Variants in ZNF462 observed in about 807,000 individuals in gnomAD.
ZNF462 encodes zinc finger protein 462.
In ZNF462, 10 loss-of-function variants were observed where a neutral mutation model predicts 201.9. The observed-to-expected ratio is 0.05, with a 90% CI of 0.03 to 0.08. The LOEUF (loss-of-function observed/expected upper bound fraction) is 0.08, where lower values mean the gene tolerates loss of function less well. Among genes scored for constraint, ZNF462 ranks in the 10% least tolerant of loss-of-function variants. The pLI is 1.00. For synonymous variants in ZNF462, 1,227 were observed against 1,193.3 expected (o/e 1.03, Z -0.58); for missense variants, 2,523 against 3,168.3 (o/e 0.80, Z 4.89).
At chr9:106,991,875 C>A (rs1490243762) in intron 10 of ZNF462, among the ~76,000 whole-genome samples, 2 of 148,962 alleles carry the variant, frequency 1.3e-5, no homozygotes, top group South Asian at 4.2e-4. Flanking sequence ...CACACACACA[C>A]ACACACAACA....
intron 1 of ZNF462, among the ~76,000 whole-genome samples, chr9:106,921,115 A>T (rs1246133306): frequency 6.6e-6 from 1 of 152,026 alleles, no homozygotes. Context: ...GCAGAGTCGG[A>T]TGGTATGTCT....
intron 7 of ZNF462, among the ~76,000 whole-genome samples, chr9:106,969,303 C>G (rs1192526158): frequency 6.6e-6 from 1 of 152,148 alleles, no homozygotes; most frequent in Non-Finnish European, 1.5e-5. Flanking sequence ...GGCAATGAGC[C>G]TCTGTTTCTT....
At chr9:106,888,330 C>G (rs1444932359) in intron 1 of ZNF462, among the ~76,000 whole-genome samples, 1 of 152,268 alleles carries the variant, frequency 6.6e-6, no homozygotes, top group East Asian at 1.9e-4. Context: ...CGTGAGCCAC[C>G]GCGCCCGGCC....
chr9:106,876,880 C>T lies in ZNF462; in HGVS notation c.-31+13525C>T, dbSNP rs1366137064. ...ATAAATGTTGTCTGCCTCACTGTTG[C>T]TCTACTCACATACATATCTCTTAGC... is the stretch of plus-strand genomic sequence containing the variant. On this transcript the variant is annotated intron_variant, in intron 1 of 12. Coordinates refer to ENST00000277225, the MANE Select transcript of ZNF462 (RefSeq NM_021224.6). The surrounding 1 kb of genome is among the most constrained non-coding windows in gnomAD (Gnocchi z 4.9). Among the ~76,000 whole-genome samples, 2 of 152,168 alleles carry T rather than the reference C, an allele frequency of 1.3e-5. No individual in the cohort carries two copies. The highest frequency in any genetic ancestry group is 3.8e-4 in the East Asian group (2 of 5,198).
intron 7 of ZNF462, among the ~76,000 whole-genome samples, chr9:106,945,931 T>C (rs1588099200): frequency 6.6e-6 from 1 of 152,224 alleles, no homozygotes; most frequent in Non-Finnish European, 1.5e-5. Context: ...GGTCACGTGA[T>C]ACACGCTTCC....
chr9:106,973,156 A>G (rs529289547), intron 8 of ZNF462, among the ~76,000 whole-genome samples: 2 of 152,278 alleles, frequency 1.3e-5, no homozygotes, highest in African/African-American at 4.8e-5. Flanking sequence ...TAATAATATC[A>G]TAGATAGAAA....
chr9:106,888,064 C>G lies in ZNF462; in HGVS notation c.-31+24709C>G, dbSNP rs543232048. On this transcript the variant is annotated intron_variant, in intron 1 of 12. Transcript: ENST00000277225. ...GGATTTTTTTTTTTTTTTTTTGAGA[C>G]GGAGTCTCCCTCTGTCGCTCAGGCT... Among the ~76,000 whole-genome samples the G allele has an allele frequency of 5.5e-5, 8 of 145,126 alleles. No individual in the cohort carries two copies. The East Asian group carries it at 1.6e-3, about 30-fold the overall frequency.
In ZNF462 at chr9:106,872,467, A is replaced by C. The variant is rs748768437; in HGVS notation, c.-31+9112A>C. 2.0e-5 allele frequency among the ~76,000 whole-genome samples: 3 copies of C among 152,120 alleles called. No individual in the cohort carries two copies. The highest frequency in any genetic ancestry group is 2.9e-5 in the Non-Finnish European group (2 of 68,016). ...AACTGCTGCCTCCCAGGTTCAAGCA[A>C]TTCTCCTGACTCAGCCTCCCAAGTA... On this transcript the variant is annotated intron_variant, in intron 1 of 12. Transcript: ENST00000277225. This position sits in a 1 kb window ranked among gnomAD's most constrained non-coding sequence, Gnocchi z 4.5.
chr9:106,972,391 G>A lies in ZNF462; in HGVS notation c.6695+119G>A. 1 of 1,406,522 alleles carries A rather than the reference G, an allele frequency of 7.1e-7. No homozygotes were observed. The allele number at this position is 1,406,522 out of a possible 1,614,324, so 87.1% of individuals were successfully genotyped here. A position where few individuals can be genotyped will look rare whatever the true frequency, so the allele number is the denominator to read the frequency against. ...TTATGGGAGGCCCTGCCCATGTGAT[G>A]ATGTAGGGGTTGGGTCCAGGCTTCA... On this transcript the variant is annotated intron_variant, in intron 8 of 12. Coordinates refer to ENST00000277225, the MANE Select transcript of ZNF462 (RefSeq NM_021224.6). The surrounding 1 kb of genome is among the most constrained non-coding windows in gnomAD (Gnocchi z 4.8).
chr9:107,011,531 T>A lies in ZNF462; in HGVS notation c.*501T>A, dbSNP rs1829923763. 6.5e-6 allele frequency: 1 copy of A among 153,190 alleles called. No individual in the cohort carries two copies. 9.5% of individuals were successfully genotyped at this position (153,190 alleles called of 1,614,324 possible). ...CAGAAAACAAAAAAAAAAAAACTGC[T>A]TTGCATAAAACAGTCACCTGTTTCC... On this transcript the variant is annotated 3_prime_UTR_variant, in exon 13 of 13. Transcript: ENST00000277225. This position sits in a 1 kb window ranked among gnomAD's most constrained non-coding sequence, Gnocchi z 5.6.
rs1422743560 is a variant in ZNF462, at chr9:106,920,421, A to C, written c.-30-2933A>C. The stretch of plus-strand genomic sequence containing the variant: ...GTACACAAAAGCAAGATGGCTTTCA[A>C]AGTAGGCTACATCCTCCTTTCAGTA... On this transcript the variant is annotated intron_variant, in intron 1 of 12. Coordinates refer to ENST00000277225, the MANE Select transcript of ZNF462 (RefSeq NM_021224.6). This position sits in a 1 kb window ranked among gnomAD's most constrained non-coding sequence, Gnocchi z 4.3. 6.6e-6 allele frequency among the ~76,000 whole-genome samples: 1 copy of C among 152,192 alleles called. No homozygotes were observed. The highest frequency in any genetic ancestry group is 1.9e-4 in the East Asian group (1 of 5,200).
Position 106,926,419 on chromosome 9 carries a change from T to A in ZNF462, c.2507T>A (p.Phe836Tyr). The A allele has an allele frequency of 6.2e-7, 1 of 1,614,174 alleles. No homozygotes were observed. Among genetic ancestry groups the A allele is most frequent in the Non-Finnish European group, 8.5e-7 (1 of 1,180,030 alleles). Residue 836 changes from phenylalanine (F) to tyrosine (Y), a missense_variant, in exon 3 of 13, where the codon TTT (phenylalanine) becomes TAT (tyrosine). Coordinates refer to ENST00000277225, the MANE Select transcript of ZNF462 (RefSeq NM_021224.6). This position sits in a 1 kb window ranked among gnomAD's most constrained non-coding sequence, Gnocchi z 7.9. ...GTEHNSENTD[F>Y]GDSGRLYYCK... ...GAGCACAATAGTGAAAACACAGACT[T>A]TGGTGACTCTGGAAGGCTTTACTAT...
chr9:106,953,084 G>A (rs979200640), intron 7 of ZNF462, among the ~76,000 whole-genome samples: 4 of 152,174 alleles, frequency 2.6e-5, no homozygotes, highest in African/African-American at 9.7e-5. Context: ...ATTCTTGGAT[G>A]TGACCTTCTG....
At chr9:106,861,880 A>C (rs1827076709), upstream of ZNF462, among the ~76,000 whole-genome samples, 1 of 152,240 alleles carries the variant, frequency 6.6e-6, no homozygotes, top group Non-Finnish European at 1.5e-5. Context: ...CCTTATCATT[A>C]AGAGCGCTGA....
intron 11 of ZNF462, among the ~76,000 whole-genome samples, chr9:107,004,465 G>A (rs906003924): frequency 6.6e-6 from 1 of 152,010 alleles, no homozygotes; most frequent in Non-Finnish European, 1.5e-5. Flanking sequence ...GTATTTCCTT[G>A]TACATTCATC....
Position 106,919,256 on chromosome 9 carries a change from G to A in ZNF462, c.-30-4098G>A, listed in dbSNP as rs1829895165. Among the ~76,000 whole-genome samples, 1 of 152,150 alleles carries A rather than the reference G, an allele frequency of 6.6e-6. No homozygotes were observed. Among genetic ancestry groups the A allele is most frequent in the African/African-American group, 2.4e-5 (1 of 41,430 alleles). On this transcript the variant is annotated intron_variant, in intron 1 of 12. Transcript: ENST00000277225. The surrounding 1 kb of genome is among the most constrained non-coding windows in gnomAD (Gnocchi z 4.5). ...CTGACCTGGACCAAGTGATGGTGGC[G>A]GGCCTGTAAGAATGCTGTACAATGT...
Position 106,863,350 on chromosome 9 carries a change from T to G in ZNF462, c.-36T>G. On this transcript the variant is annotated 5_prime_UTR_variant, in exon 1 of 13. Coordinates refer to ENST00000277225, the MANE Select transcript of ZNF462 (RefSeq NM_021224.6). ...AAGCACCTCCCGGCGCCGGGACGCT[T>G]CTTCTGTAAGTTACTGCAATTAACA... The G allele has an allele frequency of 5.0e-6, 2 of 397,064 alleles. No individual in the cohort carries two copies. Among genetic ancestry groups the G allele is most frequent in the Middle Eastern group, 6.3e-4 (1 of 1,576 alleles). The allele number at this position is 397,064 out of a possible 1,614,324, so 24.6% of individuals were successfully genotyped here.
At chr9:106,884,136 G>A (rs980254806) in intron 1 of ZNF462, among the ~76,000 whole-genome samples, 2 of 152,138 alleles carry the variant, frequency 1.3e-5, no homozygotes, top group Non-Finnish European at 2.9e-5. Flanking sequence ...AAACAAAAAG[G>A]GATTTATTAA....
chr9:106,923,615 C>A lies in ZNF462; in HGVS notation c.220+12C>A. On this transcript the variant is annotated intron_variant, in intron 2 of 12. Coordinates refer to ENST00000277225, the MANE Select transcript of ZNF462 (RefSeq NM_021224.6). The surrounding 1 kb of genome is among the most constrained non-coding windows in gnomAD (Gnocchi z 5.6). ...AGAAGATTTATCAGGTAAATCTATA[C>A]TAAACTTGGCACGGCCGATGTATTT... is the stretch of plus-strand genomic sequence containing the variant. The A allele has an allele frequency of 6.2e-7, 1 of 1,611,178 alleles. No individual in the cohort carries two copies. The highest frequency in any genetic ancestry group is 8.5e-7 in the Non-Finnish European group (1 of 1,177,308).
Sources: gnomAD v4.1 joint callset for allele counts (sites outside exome capture counted in the v4.1 genomes callset) on GRCh38, gnomAD v4.1.1 for gene constraint, Gnocchi (gnomAD v3.1) non-coding constraint, MANE v1.5 for transcripts, NCBI Gene and HGNC (gene_info 2026-07-23, HGNC 2026-07-21) for gene names.